The following DBP variants were observed in gnomAD, a reference collection of about 807,000 sequenced individuals.
DBP encodes the protein D site-binding protein.
In DBP, 12 loss-of-function variants were observed where a neutral mutation model predicts 21.4. That is an observed-to-expected ratio of 0.56 (90% confidence interval 0.36 to 0.91). The LOEUF is 0.91. DBP is among the 40% of genes least tolerant of loss of function. DBP has a pLI of 0.01. For missense variants in DBP, 423 were observed against 473.4 expected (o/e 0.89, Z 0.99); for synonymous variants, 213 against 224.9 (o/e 0.95, Z 0.47).
At chr19:48,635,167 C>T (rs1276215399) in intron 2 of DBP, 23 of 1,024,062 alleles carry the variant, frequency 2.2e-5, no homozygotes, top group Non-Finnish European at 2.5e-5. Context: ...TGCCTTTGCC[C>T]CTGTAAAGGA....
At position 48,630,483 on chromosome 19, in the gene DBP, T is replaced by G; in HGVS notation, c.*354A>C. On this transcript the variant is annotated 3_prime_UTR_variant, in exon 4 of 4. Transcript: ENST00000222122. The surrounding 1 kb of genome is among the most constrained non-coding windows in gnomAD (Gnocchi z 4.9). Reference sequence around the variant, plus strand: ...CACTTCCAGCAGCGCCTGCCCTCTATGGACGACAGCCCGGAGCTGCCCACG... The same window carrying G: ...CACTTCCAGCAGCGCCTGCCCTCTAGGGACGACAGCCCGGAGCTGCCCACG... 3 of 1,507,182 alleles carry G rather than the reference T, an allele frequency of 2.0e-6. No individual in the cohort carries two copies. The highest frequency in any genetic ancestry group is 1.3e-5 in the South Asian group (1 of 79,706). 93.4% of individuals were successfully genotyped at this position (1,507,182 alleles called of 1,614,324 possible).
At position 48,633,560 on chromosome 19, in the gene DBP, T is replaced by C; in HGVS notation, c.646A>G (p.Ser216Gly). 1.9e-6 allele frequency: 3 copies of C among 1,614,218 alleles called. No individual in the cohort carries two copies. The highest frequency in any genetic ancestry group is 2.5e-6 in the Non-Finnish European group (3 of 1,180,036). The change falls in exon 3 of 4, where the codon AGC (serine) becomes GGC (glycine). Residue 216 changes from serine to glycine, a missense_variant. Physicochemically the swap from Ser to Gly is moderately conservative, Grantham distance 56 (BLOSUM62 0). Transcript: ENST00000222122. Reference protein sequence around the residue: ...EPDPADLALSSIPGHETFDPR... With the variant: ...EPDPADLALSGIPGHETFDPR... ...TCAAAGGTCTCGTGGCCAGGAATGC[T>C]TGATAGGGCAAGATCAGCTGGGTCG... is the stretch of plus-strand genomic sequence containing the variant.
Position 48,630,951 on chromosome 19 carries a change from G to A in DBP, c.864C>T (p.Ala288=). The A allele has an allele frequency of 6.2e-7, 1 of 1,613,264 alleles. No individual in the cohort carries two copies. Among genetic ancestry groups the A allele is most frequent in the South Asian group, 1.1e-5 (1 of 90,952 alleles). ...LKENQISVRA[A]FLEKENALLR... is the part of the protein sequence containing the mutation. ...GCAGGGCGTTCTCCTTCTCCAGGAA[G>A]GCCGCCCGCACCGATATCTGGTTCT... is the stretch of plus-strand genomic sequence containing the variant. The change falls in exon 4 of 4, where the codon GCC becomes GCT. Residue 288 remains alanine (A), a synonymous_variant. Transcript: ENST00000222122. The surrounding 1 kb of genome is among the most constrained non-coding windows in gnomAD (Gnocchi z 4.9).
chr19:48,637,056 C>A lies in DBP; in HGVS notation c.-62G>T. ...AGAGGCGAAGGGCTGGCCTGCCAGT[C>A]ACCAGCACACTCCAGTGGTTTGGAC... On this transcript the variant is annotated 5_prime_UTR_variant, in exon 1 of 4. Transcript: ENST00000222122. 7.1e-7 allele frequency: 1 copy of A among 1,399,618 alleles called. No homozygotes were observed. Among genetic ancestry groups the A allele is most frequent in the Non-Finnish European group, 9.4e-7 (1 of 1,066,278 alleles). The allele number at this position is 1,399,618 out of a possible 1,614,324, so 86.7% of individuals were successfully genotyped here.
Position 48,635,480 on chromosome 19 carries a change from G to C in DBP, c.550+100C>G, listed in dbSNP as rs770842215. ...ACAACTGGACACAGAATTCGAGGCC[G>C]CAGCCAGGTCCCACGGTCCCAGCCC... is the stretch of plus-strand genomic sequence containing the variant. On this transcript the variant is annotated intron_variant, in intron 2 of 3. Transcript: ENST00000222122. 2.0e-6 allele frequency: 3 copies of C among 1,477,142 alleles called. No individual in the cohort carries two copies. The South Asian group carries it at 3.6e-5, about 18-fold the overall frequency. 91.5% of individuals were successfully genotyped at this position (1,477,142 alleles called of 1,614,324 possible).
chr19:48,630,498 A>G lies in DBP; in HGVS notation c.*339T>C. On this transcript the variant is annotated 3_prime_UTR_variant, in exon 4 of 4. Transcript: ENST00000222122. The surrounding 1 kb of genome is among the most constrained non-coding windows in gnomAD (Gnocchi z 4.9). Reference sequence around the variant, plus strand: ...CTGCCCTCTATGGACGACAGCCCGGAGCTGCCCACGGGCTGCAGCCAGTAT... The same window carrying G: ...CTGCCCTCTATGGACGACAGCCCGGGGCTGCCCACGGGCTGCAGCCAGTAT... 1 of 1,527,270 alleles carries G rather than the reference A, an allele frequency of 6.5e-7. No homozygotes were observed. The highest frequency in any genetic ancestry group is 1.4e-5 in the African/African-American group (1 of 72,550). The allele number at this position is 1,527,270 out of a possible 1,614,324, so 94.6% of individuals were successfully genotyped here.
At chr19:48,631,100 C>A (rs773648836) in intron 3 of DBP, 48 bp from the exon 4 acceptor site, 1 of 1,546,780 alleles carries the variant, frequency 6.5e-7, no homozygotes, top group South Asian at 1.2e-5. Flanking sequence ...GGACCCAGGT[C>A]CCAGCGAGAG....
rs2030842705 is a variant in DBP at position 48,637,158 on chromosome 19, G to A, written c.-164C>T. The A allele has an allele frequency of 6.8e-6, 4 of 584,418 alleles. No homozygotes were observed. Among genetic ancestry groups the A allele is most frequent in the Middle Eastern group, 4.7e-4 (1 of 2,146 alleles). The allele number at this position is 584,418 out of a possible 1,614,324, so 36.2% of individuals were successfully genotyped here. On this transcript the variant is annotated 5_prime_UTR_variant, in exon 1 of 4. Coordinates refer to ENST00000222122, the MANE Select transcript of DBP (RefSeq NM_001352.5). ...GAACGCTGCAAATCCTAGGAGCGAC[G>A]GGGATTTGAGGTCCTCGGTGCAGAA...
chr19:48,637,330 T>G lies in DBP; in HGVS notation c.-336A>C. The G allele has an allele frequency of 3.5e-6, 1 of 285,736 alleles. No individual in the cohort carries two copies. Among genetic ancestry groups the G allele is most frequent in the Non-Finnish European group, 6.5e-6 (1 of 154,586 alleles). 17.7% of individuals were successfully genotyped at this position (285,736 alleles called of 1,614,324 possible). A position where few individuals can be genotyped will look rare whatever the true frequency, so the allele number is the denominator to read the frequency against. The stretch of plus-strand genomic sequence containing the variant: ...GGGCGAGCCTGGCTCTTGCAAAATC[T>G]GCAGCTCTCGCAACGGAAGGCGCTT... On this transcript the variant is annotated 5_prime_UTR_variant, in exon 1 of 4. Transcript: ENST00000222122.
intron 3 of DBP, 25 bp from the exon 4 acceptor site, chr19:48,631,077 C>T: frequency 1.2e-6 from 2 of 1,602,866 alleles, no homozygotes; most frequent in South Asian, 1.1e-5. Context: ...GGGGAGAGCA[C>T]TGAGGTCCAG....
intron 1 of DBP, 36 bp downstream of exon 1, chr19:48,636,820 G>C: frequency 6.2e-7 from 1 of 1,608,086 alleles, no homozygotes; most frequent in South Asian, 1.1e-5. Flanking sequence ...AGGGGGTAGG[G>C]TGTCCGAAGT....
In DBP at chr19:48,635,985, G is replaced by A; in HGVS notation, c.145C>T (p.Leu49=). 1.3e-6 allele frequency: 2 copies of A among 1,516,274 alleles called. No homozygotes were observed. The highest frequency in any genetic ancestry group is 8.8e-7 in the Non-Finnish European group (1 of 1,138,380). The allele number at this position is 1,516,274 out of a possible 1,614,324, so 93.9% of individuals were successfully genotyped here. The change falls in exon 2 of 4, where the codon CTG becomes TTG. Residue 49 remains leucine (L), a synonymous_variant. Coordinates refer to ENST00000222122, the MANE Select transcript of DBP (RefSeq NM_001352.5). ...GCCGCCTTGCGCTCCTTTTCCTTCA[G>A]GAGACCTGCGGGCCGGGAAAGACGG... ...SKPKEPASCL[L]KEKERKAALP...
chr19:48,630,805 A>G lies in DBP; in HGVS notation c.*32T>C, dbSNP rs1568438360. On this transcript the variant is annotated 3_prime_UTR_variant, in exon 4 of 4. Coordinates refer to ENST00000222122, the MANE Select transcript of DBP (RefSeq NM_001352.5). The surrounding 1 kb of genome is among the most constrained non-coding windows in gnomAD (Gnocchi z 4.9). ...GGCGTAAGTCTCAGCAAGGCGGAGG[A>G]GAGCTCCGCCAGGTGGGGATGTGGG... 1.9e-6 allele frequency: 3 copies of G among 1,545,704 alleles called. No homozygotes were observed. The highest frequency in any genetic ancestry group is 2.6e-6 in the Non-Finnish European group (3 of 1,139,482).
chr19:48,633,948 A>C (rs1308449056), intron 2 of DBP: 2 of 410,356 alleles, frequency 4.9e-6, no homozygotes, highest in Non-Finnish European at 4.5e-6. Flanking sequence ...AAAAGTACGA[A>C]AATTGCCCAG....
chr19:48,630,475 GC>G lies in DBP; in HGVS notation c.*361del, dbSNP rs1453146865. ...GACTCCAGCACTTCCAGCAGCGCCT[GC>G]CCTCTATGGACGACAGCCCGGAGCT... On this transcript the variant is annotated 3_prime_UTR_variant, in exon 4 of 4. Transcript: ENST00000222122. The surrounding 1 kb of genome is among the most constrained non-coding windows in gnomAD (Gnocchi z 4.9). 21 of 1,495,978 alleles carry G rather than the reference GC, an allele frequency of 1.4e-5. No individual in the cohort carries two copies. The highest frequency in any genetic ancestry group is 1.7e-5 in the Non-Finnish European group (19 of 1,129,130). The allele number at this position is 1,495,978 out of a possible 1,614,324, so 92.7% of individuals were successfully genotyped here.
chr19:48,630,792 A>C lies in DBP; in HGVS notation c.*45T>G, dbSNP rs1281189643. 1 of 1,536,042 alleles carries C rather than the reference A, an allele frequency of 6.5e-7. No homozygotes were observed. The highest frequency in any genetic ancestry group is 8.8e-7 in the Non-Finnish European group (1 of 1,136,066). On this transcript the variant is annotated 3_prime_UTR_variant, in exon 4 of 4. Coordinates refer to ENST00000222122, the MANE Select transcript of DBP (RefSeq NM_001352.5). This position sits in a 1 kb window ranked among gnomAD's most constrained non-coding sequence, Gnocchi z 4.9. The stretch of plus-strand genomic sequence containing the variant: ...AGGAAGGGAACAGGGCGTAAGTCTC[A>C]GCAAGGCGGAGGAGAGCTCCGCCAG...
At position 48,635,615 on chromosome 19, in the gene DBP, C is replaced by T; in HGVS notation, c.515G>A (p.Arg172Gln). Reference sequence around the variant, plus strand: ...GCCGCTGGCGGTCCCGAGGGCAGCCCGGGCGGGGGCGTGCCCAGGAGAGGA... The same window carrying T: ...GCCGCTGGCGGTCCCGAGGGCAGCCTGGGCGGGGGCGTGCCCAGGAGAGGA... ...PRSSPGHAPA[R>Q]AALGTASGHR... is the part of the protein sequence containing the mutation. Residue 172 changes from arginine to glutamine, a missense_variant, in exon 2 of 4, where the codon CGG becomes CAG. By Grantham distance (43) the Arg-to-Gln change is conservative. Transcript: ENST00000222122. 2.2e-6 allele frequency: 3 copies of T among 1,344,390 alleles called. No homozygotes were observed. In the South Asian group the frequency reaches 5.7e-5, roughly 25 times the overall value. The allele number at this position is 1,344,390 out of a possible 1,614,324, so 83.3% of individuals were successfully genotyped here. A position where few individuals can be genotyped will look rare whatever the true frequency, so the allele number is the denominator to read the frequency against.
intron 2 of DBP, chr19:48,634,536 T>A: frequency 3.7e-6 from 1 of 267,814 alleles, no homozygotes; most frequent in Non-Finnish European, 5.8e-6. Context: ...CGGGGCCAGC[T>A]AAGGACACAG....
At position 48,637,136 on chromosome 19, in the gene DBP, C is replaced by T; in HGVS notation, c.-142G>A. The T allele has an allele frequency of 1.4e-6, 1 of 721,088 alleles. No individual in the cohort carries two copies. The highest frequency in any genetic ancestry group is 2.1e-6 in the Non-Finnish European group (1 of 471,402). 44.7% of individuals were successfully genotyped at this position (721,088 alleles called of 1,614,324 possible). ...GCCTGCAACCCTCCAGTATCCAGAA[C>T]GCTGCAAATCCTAGGAGCGACGGGG... is the stretch of plus-strand genomic sequence containing the variant. On this transcript the variant is annotated 5_prime_UTR_variant, in exon 1 of 4. Transcript: ENST00000222122.
Sources: gnomAD v4.1 joint callset for allele counts on GRCh38, gnomAD v4.1.1 for gene constraint, Gnocchi (gnomAD v3.1) non-coding constraint, MANE v1.5 for transcripts, NCBI Gene and HGNC (gene_info 2026-07-23, HGNC 2026-07-21) for gene names.